The following SHISA9 variants were observed in gnomAD, a reference collection of about 807,000 sequenced individuals.
The protein encoded by SHISA9 is protein shisa-9.
A neutral mutation model predicts 38.0 loss-of-function variants in SHISA9; 13 were observed. That is an observed-to-expected ratio of 0.34 (90% confidence interval 0.22 to 0.54). The LOEUF (loss-of-function observed/expected upper bound fraction) is 0.54. Among genes scored for constraint, SHISA9 ranks in the 20% least tolerant of loss-of-function variants. SHISA9 has a pLI of 0.91. For missense variants in SHISA9, 538 were observed against 575.8 expected, an observed-to-expected ratio of 0.93 and a Z score of 0.67; for synonymous variants, 275 against 242.0, an observed-to-expected ratio of 1.14 and a Z score of -1.27.
At chr16:12,956,524 C>A (rs2071837176) in intron 2 of SHISA9, among the ~76,000 whole-genome samples, 1 of 152,200 alleles carries the variant, frequency 6.6e-6, no homozygotes, top group African/African-American at 2.4e-5. Flanking sequence ...TATGTATACA[C>A]TGTGGACTGC....
chr16:13,259,108 G>C, the SHISA9 span, among the ~76,000 whole-genome samples: 1 of 152,160 alleles, frequency 6.6e-6, no homozygotes, highest in Non-Finnish European at 1.5e-5. Flanking sequence ...ATACAATGGG[G>C]GTACAGGTAT....
the SHISA9 span, among the ~76,000 whole-genome samples, chr16:13,362,786 CG>C: frequency 6.6e-6 from 1 of 152,126 alleles, no homozygotes; most frequent in Non-Finnish European, 1.5e-5. Flanking sequence ...AGCAAAGTCC[CG>C]TTCTTTTCAT....
chr16:13,243,370 G>A (rs1208878353), downstream of SHISA9, among the ~76,000 whole-genome samples: 1 of 152,136 alleles, frequency 6.6e-6, no homozygotes, highest in South Asian at 2.1e-4. Context: ...ACATTTTAGG[G>A]AGACATGAGA....
chr16:12,902,176 G>T lies in SHISA9; in HGVS notation c.112G>T (p.Val38Leu). The T allele has an allele frequency of 1.3e-6, 2 of 1,530,512 alleles. No individual in the cohort carries two copies. Among genetic ancestry groups the T allele is most frequent in the Non-Finnish European group, 1.7e-6 (2 of 1,143,802 alleles). The allele number at this position is 1,530,512 out of a possible 1,614,324, so 94.8% of individuals were successfully genotyped here. ...CGGGCAGCTGGCGCAACTGGGCGGC[G>T]TGTTGCTGCTGGCGGGGGGCAACCG... ...GHGQLAQLGG[V>L]LLLAGGNRSG... The change falls in exon 1 of 5, where the codon GTG becomes TTG. Residue 38 changes from valine (V) to leucine (L), a missense_variant. Around this residue, in one of 4 missense-constraint regions of SHISA9, gnomAD observed 107 missense variants for 103.0 expected, o/e 1.04. Coordinates refer to ENST00000558583, the MANE Select transcript of SHISA9 (RefSeq NM_001145204.3).
chr16:13,223,182 T>A (rs1361325817), intron 4 of SHISA9, among the ~76,000 whole-genome samples: 4 of 152,126 alleles, frequency 2.6e-5, no homozygotes, highest in African/African-American at 9.7e-5. Context: ...ATCCCAGTAC[T>A]TTGGGAGGCT....
At chr16:13,351,648 T>A in the SHISA9 span, among the ~76,000 whole-genome samples, 1 of 152,216 alleles carries the variant, frequency 6.6e-6, no homozygotes, top group African/African-American at 2.4e-5. Flanking sequence ...CATCTCCCCT[T>A]CTTTCACTTG....
chr16:13,296,364 C>T, the SHISA9 span, among the ~76,000 whole-genome samples: 1 of 151,720 alleles, frequency 6.6e-6, no homozygotes, highest in African/African-American at 2.4e-5. Flanking sequence ...GCAATATTTA[C>T]CCATTTGTAT....
At chr16:13,053,674 C>G (rs1596614610) in intron 2 of SHISA9, among the ~76,000 whole-genome samples, 1 of 152,082 alleles carries the variant, frequency 6.6e-6, no homozygotes, top group East Asian at 1.9e-4. Flanking sequence ...GTATCTTAAG[C>G]CCACTGAACT....
chr16:13,465,706 G>C, the SHISA9 span, among the ~76,000 whole-genome samples: 1 of 152,158 alleles, frequency 6.6e-6, no homozygotes. Context: ...GGCAGATCCA[G>C]GTTCAAGCCC....
chr16:13,265,876 C>T, the SHISA9 span, among the ~76,000 whole-genome samples: 11 of 152,028 alleles, frequency 7.2e-5, no homozygotes, highest in Non-Finnish European at 1.5e-4. Context: ...AATGTGCCAA[C>T]ATCCCAAGTG....
chr16:13,441,305 C>A, the SHISA9 span, among the ~76,000 whole-genome samples: 1 of 152,168 alleles, frequency 6.6e-6, no homozygotes, highest in Non-Finnish European at 1.5e-5. Context: ...TCAGGAGGTT[C>A]CTGGAGTCAC....
At chr16:13,148,269 G>A (rs547627023) in intron 2 of SHISA9, among the ~76,000 whole-genome samples, 4 of 152,052 alleles carry the variant, frequency 2.6e-5, no homozygotes, top group South Asian at 4.2e-4. Flanking sequence ...CCCACGCTCC[G>A]TGAAGTATGT....
chr16:13,009,882 T>C (rs1179391889), intron 2 of SHISA9, among the ~76,000 whole-genome samples: 1 of 152,084 alleles, frequency 6.6e-6, no homozygotes, highest in Non-Finnish European at 1.5e-5. Flanking sequence ...TTCCTTTTTA[T>C]AGAAACATAG....
chr16:13,129,689 G>A (rs1452569948), intron 2 of SHISA9, among the ~76,000 whole-genome samples: 3 of 152,144 alleles, frequency 2.0e-5, no homozygotes, highest in African/African-American at 7.2e-5. Flanking sequence ...TTCTTTGGAG[G>A]GCTCAGAGGA....
chr16:13,103,614 T>C (rs747426193), intron 2 of SHISA9, among the ~76,000 whole-genome samples: 2 of 152,254 alleles, frequency 1.3e-5, no homozygotes, highest in Non-Finnish European at 2.9e-5. Flanking sequence ...ACAGGAATTG[T>C]GCACATTTTC....
the SHISA9 span, among the ~76,000 whole-genome samples, chr16:13,483,059 T>G: frequency 6.6e-6 from 1 of 152,214 alleles, no homozygotes; most frequent in Non-Finnish European, 1.5e-5. Flanking sequence ...AGTTTGGCTC[T>G]GAGGGGTGGT....
intron 2 of SHISA9, among the ~76,000 whole-genome samples, chr16:13,199,402 C>T (rs1360379222): frequency 3.3e-5 from 5 of 152,214 alleles, no homozygotes; most frequent in Admixed American, 3.3e-4. Flanking sequence ...CATTTTCCAT[C>T]TCGAGGCAAT....
At chr16:13,249,754 G>T in the SHISA9 span, among the ~76,000 whole-genome samples, 7 of 151,212 alleles carry the variant, frequency 4.6e-5, no homozygotes, top group African/African-American at 1.7e-4. Context: ...TTACTTCTTA[G>T]AAACAAGGTC....
chr16:13,560,017 C>T, the SHISA9 span, among the ~76,000 whole-genome samples: 386 of 152,312 alleles, frequency 2.5e-3, 1 homozygote, highest in Non-Finnish European at 4.6e-3. Context: ...AAAAGATAAA[C>T]TTGCTTTAAA....
Sources: allele counts gnomAD v4.1 joint callset (sites outside exome capture counted in the v4.1 genomes callset), GRCh38; gene constraint gnomAD v4.1.1; regional missense constraint gnomAD v4.1.1; transcripts MANE v1.5; gene names NCBI Gene and HGNC (gene_info 2026-07-23, HGNC 2026-07-21).